Variants in LPP observed in about 807,000 individuals in gnomAD.
The protein encoded by LPP is lipoma-preferred partner.
A neutral mutation model predicts 60.4 loss-of-function variants in LPP; 38 were observed. That is an observed-to-expected ratio of 0.63 (90% CI 0.49 to 0.83). The LOEUF (loss-of-function observed/expected upper bound fraction) is 0.83. Among genes scored for constraint, LPP ranks in the 40% least tolerant of loss-of-function variants. The pLI, the probability that LPP is intolerant of heterozygous loss-of-function variation, is 0.00. For missense variants in LPP, 902 were observed against 783.6 expected, an observed-to-expected ratio of 1.15 and a Z score of -1.80; for synonymous variants, 328 against 290.8, an observed-to-expected ratio of 1.13 and a Z score of -1.30.
At chr3:188,185,229 C>G (rs1163744901) in intron 1 of LPP, among the ~76,000 whole-genome samples, 1 of 151,146 alleles carries the variant, frequency 6.6e-6, no homozygotes, top group Non-Finnish European at 1.5e-5. Flanking sequence ...GTTTCTCCTC[C>G]CTGAGTTGCA....
At chr3:188,258,672 C>T (rs549949959) in intron 2 of LPP, among the ~76,000 whole-genome samples, 59 of 152,232 alleles carry the variant, frequency 3.9e-4, no homozygotes, top group Non-Finnish European at 6.8e-4. Context: ...TTGGGGTTCT[C>T]GCTATTAGCG....
At chr3:188,840,805 T>TA (rs1479173218) in intron 9 of LPP, among the ~76,000 whole-genome samples, 1 of 152,202 alleles carries the variant, frequency 6.6e-6, no homozygotes, top group East Asian at 1.9e-4. Flanking sequence ...CATGTGAAAT[T>TA]ACATATGCCA....
intron 2 of LPP, among the ~76,000 whole-genome samples, chr3:188,333,287 T>A (rs914319192): frequency 1.3e-5 from 2 of 152,296 alleles, no homozygotes; most frequent in Admixed American, 1.3e-4. Context: ...GAATTTTTTC[T>A]CTATTGCAAA....
At chr3:188,649,648 G>T (rs1560703470) in intron 7 of LPP, among the ~76,000 whole-genome samples, 2 of 19,320 alleles carry the variant, frequency 1.0e-4, no homozygotes, top group South Asian at 8.3e-3. Flanking sequence ...TCAAATAGTT[G>T]TGAAGGTTTT....
chr3:188,239,102 G>T (rs1020783143), intron 2 of LPP, among the ~76,000 whole-genome samples: 3 of 152,228 alleles, frequency 2.0e-5, no homozygotes, highest in Non-Finnish European at 4.4e-5. Flanking sequence ...GAGCAGGATG[G>T]TAGTGGTGTG....
At chr3:188,267,553 G>T (rs1223289664) in intron 2 of LPP, among the ~76,000 whole-genome samples, 1 of 152,186 alleles carries the variant, frequency 6.6e-6, no homozygotes, top group Admixed American at 6.5e-5. Flanking sequence ...CCAGGGCCGA[G>T]TTATCTCCCC....
At chr3:188,708,718 T>A (rs1865981283) in intron 8 of LPP, 3 of 410,694 alleles carry the variant, frequency 7.3e-6, no homozygotes, top group Non-Finnish European at 1.3e-5. Context: ...ATTAGCTGAG[T>A]GTGGTGGCAT....
intron 7 of LPP, among the ~76,000 whole-genome samples, chr3:188,687,848 C>T (rs551072381): frequency 6.7e-6 from 1 of 148,972 alleles, no homozygotes; most frequent in East Asian, 2.0e-4. Context: ...GATCTCGGCT[C>T]ACTGCAACCT....
At chr3:188,818,406 C>T (rs1460380384) in intron 9 of LPP, among the ~76,000 whole-genome samples, 2 of 152,138 alleles carry the variant, frequency 1.3e-5, no homozygotes, top group South Asian at 4.1e-4. Context: ...GAGCTATTCC[C>T]TACCTTGAAT....
intron 5 of LPP, among the ~76,000 whole-genome samples, chr3:188,507,747 A>G (rs114057534): frequency 0.021 from 3,122 of 152,270 alleles, 49 homozygotes; most frequent in Non-Finnish European, 0.034. Flanking sequence ...TTGGCCAACT[A>G]CCAGATCGTT....
rs530215745 is a variant in LPP, at chr3:188,338,112, C to G, written c.-66-3551C>G. Among the ~76,000 whole-genome samples the G allele has an allele frequency of 3.3e-5, 5 of 152,258 alleles. No individual in the cohort carries two copies. The South Asian group carries it at 1.0e-3, about 32-fold the overall frequency. On this transcript the variant is annotated intron_variant, in intron 2 of 11. Coordinates refer to ENST00000617246, the MANE Select transcript of LPP (RefSeq NM_001375462.1). ...TCTGATTAATTTCAACACAATCAACCAGATGTCAGAAGATTTCAGTGCCTC... is the reference window on the plus strand; with the variant it reads ...TCTGATTAATTTCAACACAATCAACGAGATGTCAGAAGATTTCAGTGCCTC...
intron 9 of LPP, among the ~76,000 whole-genome samples, chr3:188,849,496 A>G (rs984440383): frequency 4.6e-5 from 7 of 152,214 alleles, no homozygotes; most frequent in African/African-American, 1.7e-4. Context: ...TAAGAAGCCT[A>G]TAAGAACATT....
rs1724471228 is a variant in LPP at position 188,741,635 on chromosome 3, A to C, written c.1241-18478A>C. Among the ~76,000 whole-genome samples the C allele has an allele frequency of 2.0e-5, 3 of 150,840 alleles. No homozygotes were observed. In the South Asian group the frequency reaches 6.3e-4, roughly 32 times the overall value. Reference sequence around the variant, plus strand: ...TTATTGTAAAGGCCTTGCACATATTATGGAACAAACACATATTATGGAACA... The same window carrying C: ...TTATTGTAAAGGCCTTGCACATATTCTGGAACAAACACATATTATGGAACA... On this transcript the variant is annotated intron_variant, in intron 8 of 11. Coordinates refer to ENST00000617246, the MANE Select transcript of LPP (RefSeq NM_001375462.1).
At chr3:188,771,875 A>G (rs1736158072) in intron 9 of LPP, among the ~76,000 whole-genome samples, 1 of 152,188 alleles carries the variant, frequency 6.6e-6, no homozygotes, top group Non-Finnish European at 1.5e-5. Flanking sequence ...AGTCTGAGAG[A>G]TGGCAAGTCA....
chr3:188,168,114 A>T (rs569494291), intron 1 of LPP, among the ~76,000 whole-genome samples: 9 of 152,250 alleles, frequency 5.9e-5, no homozygotes, highest in Non-Finnish European at 5.9e-5. Flanking sequence ...TTATTTGTGC[A>T]TTCATTCATT....
At chr3:188,703,012 C>T (rs576788509) in intron 7 of LPP, among the ~76,000 whole-genome samples, 1 of 152,256 alleles carries the variant, frequency 6.6e-6, no homozygotes, top group Admixed American at 6.5e-5. Context: ...GCTCACTTAT[C>T]TTCTTAAGTC....
rs751897867 is a variant in LPP, at chr3:188,875,829, G to A, written c.*1350G>A. 2.6e-5 allele frequency: 5 copies of A among 193,662 alleles called. No individual in the cohort carries two copies. The highest frequency in any genetic ancestry group is 5.4e-5 in the Non-Finnish European group (5 of 92,742). 12.0% of individuals were successfully genotyped at this position (193,662 alleles called of 1,614,324 possible). A position where few individuals can be genotyped will look rare whatever the true frequency, so the allele number is the denominator to read the frequency against. On this transcript the variant is annotated 3_prime_UTR_variant, in exon 12 of 12. Transcript: ENST00000617246. ...CTGCCAAGCCATACTTATTAAGTTC[G>A]AACATGTTTCACTTAAGGAGAGACA...
chr3:188,496,071 A>T (rs1810104085), intron 5 of LPP, among the ~76,000 whole-genome samples: 1 of 152,130 alleles, frequency 6.6e-6, no homozygotes, highest in Non-Finnish European at 1.5e-5. Context: ...TTTTATCATT[A>T]ACTTCTGTGA....
At chr3:188,280,466 G>A (rs1032494362) in intron 2 of LPP, among the ~76,000 whole-genome samples, 6 of 152,096 alleles carry the variant, frequency 3.9e-5, no homozygotes, top group Admixed American at 3.3e-4. Context: ...GATGGGGAAC[G>A]GCTACCAGTA....
Sources: gnomAD v4.1 joint callset for allele counts (sites outside exome capture counted in the v4.1 genomes callset) on GRCh38, gnomAD v4.1.1 for gene constraint, MANE v1.5 for transcripts, NCBI Gene and HGNC (gene_info 2026-07-23, HGNC 2026-07-21) for gene names.